PLCL2: variants seen among roughly 807,000 people sequenced by gnomAD.
PLCL2 encodes the protein inactive phospholipase C-like protein 2.
A neutral mutation model predicts 79.6 loss-of-function variants in PLCL2; 4 were observed. That is an observed-to-expected ratio of 0.05 (90% CI 0.02 to 0.11). PLCL2 has a LOEUF of 0.11. PLCL2 is among the 10% of genes least tolerant of loss of function. PLCL2 has a pLI of 1.00. For synonymous variants in PLCL2, 484 were observed against 457.7 expected (o/e 1.06, Z -0.73); for missense variants, 895 against 1,291.0 (o/e 0.69, Z 4.70).
chr3:16,959,710 T>C (rs2063738116), intron 1 of PLCL2, among the ~76,000 whole-genome samples: 1 of 152,180 alleles, frequency 6.6e-6, no homozygotes, highest in Admixed American at 6.5e-5. Context: ...CTTGAACACC[T>C]ACTTGGTCGT....
intron 1 of PLCL2, among the ~76,000 whole-genome samples, chr3:16,995,304 G>A (rs976870241): frequency 5.3e-5 from 8 of 152,228 alleles, no homozygotes; most frequent in Non-Finnish European, 1.0e-4. Context: ...GACTTCTTCC[G>A]TTTGTTGACC....
intron 4 of PLCL2, among the ~76,000 whole-genome samples, chr3:17,060,306 A>G (rs1246933876): frequency 2.6e-5 from 4 of 152,330 alleles, no homozygotes; most frequent in Non-Finnish European, 5.9e-5. Context: ...GGATCTTGTC[A>G]TCCATCTGGG....
At chr3:17,065,099 G>A (rs1396860795) in intron 4 of PLCL2, among the ~76,000 whole-genome samples, 2 of 151,918 alleles carry the variant, frequency 1.3e-5, no homozygotes, top group Non-Finnish European at 2.9e-5. Context: ...CTTTTTGCCT[G>A]TTTTTAAAAA....
intron 3 of PLCL2, among the ~76,000 whole-genome samples, chr3:17,024,298 CAA>C (rs1037864163): frequency 6.6e-6 from 1 of 152,030 alleles, no homozygotes; most frequent in African/African-American, 2.4e-5. Context: ...TAATAATTGC[CAA>C]GAGAGAGAAA....
chr3:17,030,004 A>T (rs958346853), intron 3 of PLCL2, among the ~76,000 whole-genome samples: 2 of 152,176 alleles, frequency 1.3e-5, no homozygotes, highest in East Asian at 3.8e-4. Context: ...ACACCTATGC[A>T]CAAGACTGCA....
At position 16,885,301 on chromosome 3, in the gene PLCL2, G is replaced by A; in HGVS notation, c.262G>A (p.Val88Ile). 1 of 663,012 alleles carries A rather than the reference G, an allele frequency of 1.5e-6. No homozygotes were observed. 41.1% of individuals were successfully genotyped at this position (663,012 alleles called of 1,614,324 possible). A position where few individuals can be genotyped will look rare whatever the true frequency, so the allele number is the denominator to read the frequency against. The stretch of plus-strand genomic sequence containing the variant: ...TGCGCTCGCCCCGACCCCCAGCGCG[G>A]TCGTCTGTACCCTCCCCCGGGAGAG... ...GVALAPTPSA[V>I]VCTLPRESKP... Residue 88 changes from valine (V) to isoleucine (I), a missense_variant, in exon 1 of 6, where the codon GTC becomes ATC. By Grantham distance (29) the Val-to-Ile change is conservative. Coordinates refer to ENST00000615277, the MANE Select transcript of PLCL2 (RefSeq NM_001144382.2).
At chr3:16,976,009 A>G (rs1434162231) in intron 1 of PLCL2, among the ~76,000 whole-genome samples, 7 of 152,140 alleles carry the variant, frequency 4.6e-5, no homozygotes, top group Non-Finnish European at 7.4e-5. Context: ...AACTGGTAGG[A>G]CAGGGAGGGA....
chr3:16,909,592 A>G (rs543954481), intron 1 of PLCL2, among the ~76,000 whole-genome samples: 2 of 152,308 alleles, frequency 1.3e-5, no homozygotes, highest in East Asian at 3.9e-4. Context: ...AAGAATATTA[A>G]CTTGTATGTG....
intron 4 of PLCL2, among the ~76,000 whole-genome samples, chr3:17,057,566 G>A (rs896312710): frequency 3.3e-5 from 5 of 152,218 alleles, no homozygotes; most frequent in Admixed American, 6.5e-5. Context: ...TAGCTAGTAA[G>A]TTGTCAAAAC....
At chr3:16,920,211 C>T (rs905216931) in intron 1 of PLCL2, among the ~76,000 whole-genome samples, 1 of 152,106 alleles carries the variant, frequency 6.6e-6, no homozygotes, top group African/African-American at 2.4e-5. Flanking sequence ...ACTTGAGTCA[C>T]TTGATCATGG....
intron 3 of PLCL2, among the ~76,000 whole-genome samples, chr3:17,020,749 CAT>C (rs1432199368): frequency 6.6e-6 from 1 of 152,122 alleles, no homozygotes; most frequent in Non-Finnish European, 1.5e-5. Flanking sequence ...TCTTCTAACA[CAT>C]GACTTTAAAT....
intron 1 of PLCL2, among the ~76,000 whole-genome samples, chr3:16,946,953 CTTT>C (rs1056023349): frequency 1.0e-5 from 1 of 95,444 alleles, no homozygotes; most frequent in Non-Finnish European, 1.9e-5. Context: ...AAGTTTCATT[CTTT>C]TTTTTTTTTT....
At chr3:16,944,904 C>T (rs1384406896) in intron 1 of PLCL2, among the ~76,000 whole-genome samples, 6 of 151,836 alleles carry the variant, frequency 4.0e-5, no homozygotes, top group Non-Finnish European at 7.4e-5. Context: ...GGATTACAGT[C>T]GCCTGCCACC....
intron 1 of PLCL2, among the ~76,000 whole-genome samples, chr3:16,983,755 T>C (rs923090530): frequency 6.6e-6 from 1 of 152,228 alleles, no homozygotes; most frequent in Non-Finnish European, 1.5e-5. Context: ...AAGACTTTAA[T>C]AGGGACAGAG....
At chr3:17,028,279 C>T (rs919302310) in intron 3 of PLCL2, among the ~76,000 whole-genome samples, 1 of 152,066 alleles carries the variant, frequency 6.6e-6, no homozygotes, top group African/African-American at 2.4e-5. Flanking sequence ...GCTGTGCTAA[C>T]CACACTCAGT....
chr3:17,011,015 T>C lies in PLCL2; in HGVS notation c.1669T>C (p.Ser557Pro). The C allele has an allele frequency of 6.2e-7, 1 of 1,613,962 alleles. No homozygotes were observed. The highest frequency in any genetic ancestry group is 1.1e-5 in the South Asian group (1 of 91,060). ...CAATGTTGAGGAATCTTATCTACCA[T>C]CCCCAGATGTCCTGAAAGGGAAAAT... ...SPNVEESYLP[S>P]PDVLKGKILI... The change falls in exon 2 of 6, where the codon TCC (serine) becomes CCC (proline). Residue 557 changes from serine (S) to proline (P), a missense_variant. Physicochemically the swap from Ser to Pro is moderately conservative, Grantham distance 74 (BLOSUM62 -1). Coordinates refer to ENST00000615277, the MANE Select transcript of PLCL2 (RefSeq NM_001144382.2). The surrounding 1 kb of genome is among the most constrained non-coding windows in gnomAD (Gnocchi z 7.9).
Position 17,089,928 on chromosome 3 carries a change from A to G in PLCL2, c.*16A>G, listed in dbSNP as rs747431674. 6.2e-7 allele frequency: 1 copy of G among 1,609,240 alleles called. No homozygotes were observed. The highest frequency in any genetic ancestry group is 2.2e-5 in the East Asian group (1 of 44,842). ...TGGAGAATGAGGAAACTTACAATAAACCATTATGGAGTTTATAACTCTAGG... is the reference window on the plus strand; with the variant it reads ...TGGAGAATGAGGAAACTTACAATAAGCCATTATGGAGTTTATAACTCTAGG... On this transcript the variant is annotated 3_prime_UTR_variant, in exon 6 of 6. Transcript: ENST00000615277.
intron 3 of PLCL2, among the ~76,000 whole-genome samples, chr3:17,028,104 C>T (rs2064538330): frequency 6.6e-6 from 1 of 152,208 alleles, no homozygotes; most frequent in South Asian, 2.1e-4. Flanking sequence ...CTCCTTCTCT[C>T]AGCCAAATCA....
At chr3:16,914,492 C>G (rs1313199377) in intron 1 of PLCL2, among the ~76,000 whole-genome samples, 3 of 148,330 alleles carry the variant, frequency 2.0e-5, no homozygotes, top group Admixed American at 1.4e-4. Flanking sequence ...TATAAGTGTT[C>G]TTACATGATA....
Sources: allele counts gnomAD v4.1 joint callset (sites outside exome capture counted in the v4.1 genomes callset), GRCh38; gene constraint gnomAD v4.1.1; non-coding constraint Gnocchi (gnomAD v3.1); transcripts MANE v1.5; gene names NCBI Gene and HGNC (gene_info 2026-07-23, HGNC 2026-07-21).